ADAMTSL1: variants seen among roughly 807,000 people sequenced by gnomAD.
The protein encoded by ADAMTSL1 is ADAMTS-like protein 1.
A neutral mutation model predicts 201.8 loss-of-function variants in ADAMTSL1; 126 were observed. That is an observed-to-expected ratio of 0.62 (90% CI 0.54 to 0.72). The LOEUF is 0.72. ADAMTSL1 is among the 30% of genes least tolerant of loss of function. The pLI, the probability that ADAMTSL1 is intolerant of heterozygous loss-of-function variation, is 0.00. For missense variants in ADAMTSL1, 2,679 were observed against 2,277.8 expected (o/e 1.18, Z -3.59); for synonymous variants, 1,121 against 903.4 (o/e 1.24, Z -4.32).
Position 18,681,836 on chromosome 9 carries a change from C to G in ADAMTSL1, c.1366C>G (p.Leu456Val). The change falls in exon 12 of 29, where the codon CTC (leucine) becomes GTC (valine). Residue 456 changes from leucine to valine, a missense_variant. Coordinates refer to ENST00000380548, the MANE Select transcript of ADAMTSL1 (RefSeq NM_001040272.6). ...SPCTVTCGQG[L>V]RYRVVLCIDH... ...GTGCACAGTGACATGTGGCCAGGGC[C>G]TCAGATACCGTGTGGTCCTCTGCAT... 1 of 1,613,600 alleles carries G rather than the reference C, an allele frequency of 6.2e-7. No homozygotes were observed. The highest frequency in any genetic ancestry group is 8.5e-7 in the Non-Finnish European group (1 of 1,179,676).
chr9:18,673,501 G>A (rs1829952329), intron 9 of ADAMTSL1, among the ~76,000 whole-genome samples: 1 of 152,222 alleles, frequency 6.6e-6, no homozygotes, highest in South Asian at 2.1e-4. Context: ...CTGAATCCAG[G>A]TTTAAAGTTC....
At chr9:18,811,590 C>T (rs1297612274) in intron 20 of ADAMTSL1, among the ~76,000 whole-genome samples, 1 of 152,216 alleles carries the variant, frequency 6.6e-6, no homozygotes, top group Non-Finnish European at 1.5e-5. Flanking sequence ...CATCTCCCTG[C>T]TCCCAAGCCT....
chr9:18,188,681 G>A (rs1021277409), intron 2 of ADAMTSL1, among the ~76,000 whole-genome samples: 9 of 152,098 alleles, frequency 5.9e-5, no homozygotes, highest in Non-Finnish European at 1.2e-4. Flanking sequence ...AAACTGCCGG[G>A]GATATTAGAA....
chr9:18,049,900 G>A lies in ADAMTSL1; in HGVS notation c.88-113962G>A, dbSNP rs59543024. On this transcript the variant is annotated intron_variant, in intron 1 of 29. Coordinates refer to the ADAMTSL1 transcript ENST00000680146. Reference sequence around the variant, plus strand: ...GGCCTCCCAAAGTGCTGGGATTACAGGTGTGAGCCACCGTGCCCGGCCCGG... The same window carrying A: ...GGCCTCCCAAAGTGCTGGGATTACAAGTGTGAGCCACCGTGCCCGGCCCGG... Among the ~76,000 whole-genome samples the A allele has an allele frequency of 6.5e-3, 990 of 152,274 alleles. 15 individuals carry two copies. The highest frequency in any genetic ancestry group is 0.023 in the African/African-American group (950 of 41,548).
At chr9:18,746,886 C>A (rs1282273922) in intron 15 of ADAMTSL1, among the ~76,000 whole-genome samples, 2 of 152,070 alleles carry the variant, frequency 1.3e-5, no homozygotes, top group African/African-American at 4.8e-5. Flanking sequence ...CTGATGGCTG[C>A]CTTTACAAAA....
At chr9:18,772,293 T>G (rs1820738529) in intron 17 of ADAMTSL1, among the ~76,000 whole-genome samples, 1 of 152,168 alleles carries the variant, frequency 6.6e-6, no homozygotes, top group Non-Finnish European at 1.5e-5. Flanking sequence ...GGAAGGGACT[T>G]GTGTGTGTTA....
chr9:18,015,807 A>G (rs192587523), intron 1 of ADAMTSL1, among the ~76,000 whole-genome samples: 26 of 152,090 alleles, frequency 1.7e-4, no homozygotes, highest in Middle Eastern at 3.4e-3. Context: ...CCCGAGACCA[A>G]TGAGATTAGG....
At chr9:18,023,084 T>G (rs1293185868) in intron 1 of ADAMTSL1, among the ~76,000 whole-genome samples, 1 of 152,128 alleles carries the variant, frequency 6.6e-6, no homozygotes. Flanking sequence ...AGTAGCTGTT[T>G]CCTGAAAGTA....
At chr9:18,539,462 C>CCTCTTG (rs1251405631) in intron 3 of ADAMTSL1, among the ~76,000 whole-genome samples, 1 of 152,194 alleles carries the variant, frequency 6.6e-6, no homozygotes, top group African/African-American at 2.4e-5. Context: ...TGACACCATG[C>CCTCTTG]CTCTTGCACT....
chr9:18,481,164 A>G (rs897797743), intron 1 of ADAMTSL1, among the ~76,000 whole-genome samples: 3 of 152,238 alleles, frequency 2.0e-5, no homozygotes, highest in African/African-American at 7.2e-5. Context: ...ACAGCGATAT[A>G]TAAAGTAAAC....
At chr9:18,726,985 A>G (rs1817934073) in intron 15 of ADAMTSL1, among the ~76,000 whole-genome samples, 1 of 152,206 alleles carries the variant, frequency 6.6e-6, no homozygotes, top group Non-Finnish European at 1.5e-5. Context: ...TCCCTGTTTG[A>G]AAGGAGAGAG....
chr9:18,063,891 G>A (rs1036491824), intron 1 of ADAMTSL1, among the ~76,000 whole-genome samples: 1 of 152,014 alleles, frequency 6.6e-6, no homozygotes. Flanking sequence ...CCTCCTTTAT[G>A]AGTGGGTGTT....
chr9:18,622,413 T>G (rs753118956), intron 5 of ADAMTSL1, 44 bp downstream of exon 5: 1 of 1,613,644 alleles, frequency 6.2e-7, no homozygotes, highest in Non-Finnish European at 8.5e-7. Context: ...TGTTGACTTA[T>G]CCTCTCCTGG....
intron 1 of ADAMTSL1, among the ~76,000 whole-genome samples, chr9:17,999,238 A>T (rs140442996): frequency 6.6e-6 from 1 of 152,034 alleles, no homozygotes; most frequent in Admixed American, 6.6e-5. Context: ...GTTTTTTGCA[A>T]CTGTCTAAAA....
intron 4 of ADAMTSL1, among the ~76,000 whole-genome samples, chr9:18,618,703 T>C (rs1387103237): frequency 6.6e-6 from 1 of 152,066 alleles, no homozygotes; most frequent in Non-Finnish European, 1.5e-5. Context: ...ATTTCCAAGA[T>C]GGCTGCTAGA....
chr9:18,168,519 C>G lies in ADAMTSL1; in HGVS notation c.207+4538C>G, dbSNP rs530075101. 5.7e-4 allele frequency among the ~76,000 whole-genome samples: 87 copies of G among 151,918 alleles called. No homozygotes were observed. In the Middle Eastern group the frequency reaches 0.01, roughly 18 times the overall value. ...ATGTGCCACATTTTCTTAATCCAGT[C>G]TATCATTGTTGGACATTTGGGTTGG... On this transcript the variant is annotated intron_variant, in intron 2 of 29. Transcript: ENST00000680146.
intron 1 of ADAMTSL1, among the ~76,000 whole-genome samples, chr9:18,039,547 G>A (rs940173078): frequency 6.6e-6 from 1 of 151,892 alleles, no homozygotes; most frequent in Non-Finnish European, 1.5e-5. Flanking sequence ...TTCTTTCTAC[G>A]GAACAAACAT....
At chr9:17,990,611 T>TAA (rs1819116228) in intron 1 of ADAMTSL1, among the ~76,000 whole-genome samples, 1 of 152,136 alleles carries the variant, frequency 6.6e-6, no homozygotes, top group Admixed American at 6.5e-5. Context: ...TATACTTAAT[T>TAA]TCCTGGTTGT....
chr9:18,777,460 C>T lies in ADAMTSL1; in HGVS notation c.3231C>T (p.Arg1077=). Residue 1077 remains arginine (R), a synonymous_variant, in exon 19 of 29, where the codon CGC becomes CGT. Coordinates refer to ENST00000380548, the MANE Select transcript of ADAMTSL1 (RefSeq NM_001040272.6). ...LPFTMVTEQR[R]LDDILGNLSQ... Reference sequence around the variant, plus strand: ...TCACCATGGTGACCGAGCAGCGGCGCCTGGACGACATCCTGGGGAACCTCT... The same window carrying T: ...TCACCATGGTGACCGAGCAGCGGCGTCTGGACGACATCCTGGGGAACCTCT... 6.3e-7 allele frequency: 1 copy of T among 1,594,610 alleles called. No homozygotes were observed. The highest frequency in any genetic ancestry group is 8.5e-7 in the Non-Finnish European group (1 of 1,170,936).
Sources: gnomAD v4.1 joint callset for allele counts (sites outside exome capture counted in the v4.1 genomes callset) on GRCh38, gnomAD v4.1.1 for gene constraint, MANE v1.5 for transcripts, NCBI Gene and HGNC (gene_info 2026-07-23, HGNC 2026-07-21) for gene names.